PIGO: variants seen among roughly 807,000 people sequenced by gnomAD.
PIGO encodes the protein GPI ethanolamine phosphate transferase 3, catalytic subunit.
A neutral mutation model predicts 86.9 loss-of-function variants in PIGO; 66 were observed. That is an observed-to-expected ratio of 0.76 (90% CI 0.62 to 0.93). PIGO has a LOEUF of 0.93. PIGO is among the 40% of genes least tolerant of loss of function. PIGO has a pLI of 0.00. For missense variants in PIGO, 1,202 were observed against 1,359.1 expected, an observed-to-expected ratio of 0.88 and a Z score of 1.82; for synonymous variants, 570 against 556.4, an observed-to-expected ratio of 1.02 and a Z score of -0.34.
In PIGO at chr9:35,093,026, C is replaced by A; in HGVS notation, c.1119+4G>T. 6.2e-7 allele frequency: 1 copy of A among 1,601,266 alleles called. No individual in the cohort carries two copies. Among genetic ancestry groups the A allele is most frequent in the South Asian group, 1.1e-5 (1 of 90,630 alleles). On this transcript the variant is annotated splice_donor_region_variant and intron_variant, in intron 6 of 10. Coordinates refer to ENST00000378617, the MANE Select transcript of PIGO (RefSeq NM_032634.4). Reference sequence around the variant, plus strand: ...TCACCTGGAAACCCAGCCCGCTTACCTACCTGCTGAGCATTGAGATGGAGA... The same window carrying A: ...TCACCTGGAAACCCAGCCCGCTTACATACCTGCTGAGCATTGAGATGGAGA...
chr9:35,090,373 C>A (rs918198062), intron 8 of PIGO, 93 bp from the exon 9 acceptor site: 14 of 1,552,968 alleles, frequency 9.0e-6, no homozygotes, highest in African/African-American at 1.4e-5. Context: ...AAAGATCCAA[C>A]AAACCCATAT....
rs1381316015 is a variant in PIGO at position 35,095,199 on chromosome 9, A to T, written c.367T>A (p.Ser123Thr). The T allele has an allele frequency of 1.9e-6, 3 of 1,613,998 alleles. No homozygotes were observed. In the African/African-American group the frequency reaches 4.0e-5, roughly 22 times the overall value. ...GTGGTGGTAGGAGGGTCAACCTGAG[A>T]TCGGTAGAGCCGGGCATGGTGGGGC... is the stretch of plus-strand genomic sequence containing the variant. ...IQPHHARLYR[S>T]QVDPPTTTMQ... The change falls in exon 2 of 11, where the codon TCT becomes ACT. Residue 123 changes from serine to threonine, a missense_variant. Transcript: ENST00000378617.
intron 9 of PIGO, 85 bp downstream of exon 9, chr9:35,089,977 GCTCT>G (rs1829337329): frequency 1.9e-5 from 29 of 1,512,098 alleles, no homozygotes; most frequent in African/African-American, 1.8e-4. Context: ...CTCAGTCAAG[GCTCT>G]CTCCCACGGT....
rs12006467 is a variant in PIGO at position 35,090,723 on chromosome 9, T to C, written c.2648-51A>G. 14,441 of 1,556,634 alleles carry C rather than the reference T, an allele frequency of 9.3e-3. 465 individuals are homozygous for C. The highest frequency in any genetic ancestry group is 0.077 in the African/African-American group (5,676 of 73,758). On this transcript the variant is annotated intron_variant, in intron 7 of 10. Transcript: ENST00000378617. ...CAGTCACTTCTTATTCCCTAATCCATAGGCTACTGCTCCACAATCATATAC... is the reference window on the plus strand; with the variant it reads ...CAGTCACTTCTTATTCCCTAATCCACAGGCTACTGCTCCACAATCATATAC...
rs780598733 is a variant in PIGO at position 35,090,656 on chromosome 9, T to G, written c.2664A>C (p.Pro888=). The G allele has an allele frequency of 1.9e-6, 3 of 1,613,906 alleles. No individual in the cohort carries two copies. Among genetic ancestry groups the G allele is most frequent in the Non-Finnish European group, 2.5e-6 (3 of 1,179,982 alleles). ...PVTTPGPFTV[P]WQAVSAWALM... ...GGGCCCAAGCCGAGACTGCCTGCCA[T>G]GGCACAGTAAAAGGACCTGGAAGAA... The change falls in exon 8 of 11, where the codon CCA becomes CCC. Residue 888 remains proline, a synonymous_variant. Transcript: ENST00000378617.
Position 35,091,331 on chromosome 9 carries a change from C to T in PIGO, c.2556G>A (p.Ala852=), listed in dbSNP as rs1237736509. The change falls in exon 7 of 11, where the codon GCG becomes GCA. Residue 852 remains alanine (A), a synonymous_variant. Coordinates refer to ENST00000378617, the MANE Select transcript of PIGO (RefSeq NM_032634.4). ...GCAGGAACACAAGGCTGATGCGCTC[C>T]GCATGCAACAGCAGAAGTGGGAAGG... is the stretch of plus-strand genomic sequence containing the variant. The part of the protein sequence containing the change: ...LLAFPLLLLH[A]ERISLVFLLL... 4.3e-6 allele frequency: 7 copies of T among 1,614,174 alleles called. No individual in the cohort carries two copies. The highest frequency in any genetic ancestry group is 5.9e-6 in the Non-Finnish European group (7 of 1,180,022).
At chr9:35,090,703 ACTT>A (rs2131072249) in intron 7 of PIGO, 31 bp from the exon 8 acceptor site, 1 of 1,603,008 alleles carries the variant, frequency 6.2e-7, no homozygotes. Context: ...CGTTACAGTC[ACTT>A]CTTATTCCCT....
rs765304857 is a variant in PIGO, at chr9:35,095,404, G to T, written c.162C>A (p.Ser54Arg). The change falls in exon 2 of 11, where the codon AGC becomes AGA. Residue 54 changes from serine to arginine, a missense_variant. Transcript: ENST00000378617. ...PPGPGSLPWG[S>R]QGKPGACWMA... The stretch of plus-strand genomic sequence containing the variant: ...TCCAGCAGGCCCCAGGTTTCCCTTG[G>T]CTCCCCCATGGCAGGGACCCAGGGC... The T allele has an allele frequency of 5.6e-6, 9 of 1,613,988 alleles. No individual in the cohort carries two copies. The highest frequency in any genetic ancestry group is 1.7e-5 in the Admixed American group (1 of 59,994).
At chr9:35,094,387 G>A (rs1192844420) in intron 2 of PIGO, 28 bp from the exon 3 acceptor site, 3 of 1,589,206 alleles carry the variant, frequency 1.9e-6, no homozygotes, top group Middle Eastern at 3.3e-4. Context: ...AGAAGTCAGA[G>A]CCTGAGCAAA....
chr9:35,094,989 CCCTGA>C, intron 2 of PIGO, 61 bp downstream of exon 2: 1 of 1,530,608 alleles, frequency 6.5e-7, no homozygotes, highest in Non-Finnish European at 8.8e-7. Flanking sequence ...AGGTCTGACT[CCCTGA>C]CTTCAAATTT....
Position 35,091,531 on chromosome 9 carries a change from G to C in PIGO, c.2356C>G (p.Pro786Ala), listed in dbSNP as rs1387881096. 2 of 1,614,178 alleles carry C rather than the reference G, an allele frequency of 1.2e-6. No individual in the cohort carries two copies. Among genetic ancestry groups the C allele is most frequent in the Non-Finnish European group, 1.7e-6 (2 of 1,180,028 alleles). Reference sequence around the variant, plus strand: ...TCCAAGTCAGCTTGAGAAGTGGGGGGGCCTGAGAAGGGAGTGAGGACAGTC... The same window carrying C: ...TCCAAGTCAGCTTGAGAAGTGGGGGCGCCTGAGAAGGGAGTGAGGACAGTC... ...TRTVLTPFSG[P>A]PTSQADLDYV... Residue 786 changes from proline to alanine, a missense_variant, in exon 7 of 11, where the codon CCC (proline) becomes GCC (alanine). Pro to Ala is a conservative substitution (Grantham distance 27, BLOSUM62 -1). Transcript: ENST00000378617.
chr9:35,093,569 T>C lies in PIGO; in HGVS notation c.791A>G (p.Glu264Gly). The C allele has an allele frequency of 6.2e-7, 1 of 1,608,730 alleles. No individual in the cohort carries two copies. Among genetic ancestry groups the C allele is most frequent in the South Asian group, 1.1e-5 (1 of 90,360 alleles). The change falls in exon 5 of 11, where the codon GAG becomes GGG. Residue 264 changes from glutamate to glycine, a missense_variant. Physicochemically the swap from Glu to Gly is moderately conservative, Grantham distance 98. Transcript: ENST00000378617. ...QMDQVIQGLV[E>G]RLENDTLLVV... ...CAGCAGTGTGTCATTCTCCAGACGC[T>C]CCACAAGTCCCCTGGGGGCCAATAA...
Position 35,093,427 on chromosome 9 carries a change from TG to T in PIGO, c.932del (p.Pro311HisfsTer7). ...GGAACATCCCAGGCCTCACCTCTGG[TG>T]GGGTGCTGGGGAAGACTGCTGTGGG... ...YSPTAVFPST[P>X]PEEPEVIPQV... On this transcript the variant is annotated frameshift_variant, in exon 5 of 11. Coordinates refer to ENST00000378617, the MANE Select transcript of PIGO (RefSeq NM_032634.4). LOFTEE classifies it high-confidence loss of function. 2 of 1,614,024 alleles carry T rather than the reference TG, an allele frequency of 1.2e-6. No individual in the cohort carries two copies. Among genetic ancestry groups the T allele is most frequent in the East Asian group, 4.5e-5 (2 of 44,866 alleles).
At chr9:35,090,383 T>C in intron 8 of PIGO, 83 bp downstream of exon 8, 1 of 1,549,642 alleles carries the variant, frequency 6.5e-7, no homozygotes, top group Non-Finnish European at 8.8e-7. Flanking sequence ...CAAACCCATA[T>C]CTCTCCATTC....
rs745999972 is a variant in PIGO at position 35,093,125 on chromosome 9, C to T, written c.1024G>A (p.Glu342Lys). 10 of 1,614,118 alleles carry T rather than the reference C, an allele frequency of 6.2e-6. No homozygotes were observed. Among genetic ancestry groups the T allele is most frequent in the Non-Finnish European group, 7.6e-6 (9 of 1,180,040 alleles). Residue 342 changes from glutamate to lysine, a missense_variant, in exon 6 of 11, where the codon GAA (glutamate) becomes AAA (lysine). Physicochemically the swap from Glu to Lys is moderately conservative, Grantham distance 56. Coordinates refer to ENST00000378617, the MANE Select transcript of PIGO (RefSeq NM_032634.4). ...GLPIPFGNIG[E>K]VMAELFSGGE... ...CCTGAGAATAGCTCAGCCATCACTT[C>T]CCCGATATTCCCAAATGGGATGGGC...
Position 35,093,042 on chromosome 9 carries a change from G to T in PIGO, c.1107C>A (p.Leu369=). ...CCCGCTTACCTACCTGCTGAGCATT[G>T]AGATGGAGAGCTGAGGCTTGGGCTA... ...SALAQASALH[L]NAQQVSRFLH... is the part of the protein sequence containing the mutation. Residue 369 remains leucine, a synonymous_variant, in exon 6 of 11, where the codon CTC becomes CTA. Coordinates refer to ENST00000378617, the MANE Select transcript of PIGO (RefSeq NM_032634.4). 1 of 1,608,684 alleles carries T rather than the reference G, an allele frequency of 6.2e-7. No homozygotes were observed. Among genetic ancestry groups the T allele is most frequent in the South Asian group, 1.1e-5 (1 of 90,970 alleles).
intron 1 of PIGO, 149 bp from the exon 2 acceptor site, chr9:35,095,715 C>T (rs996062528): frequency 9.4e-7 from 1 of 1,058,780 alleles, no homozygotes; most frequent in African/African-American, 1.6e-5. Flanking sequence ...CGCAATATTA[C>T]TCTCCTCCTA....
Position 35,090,686 on chromosome 9 carries a change from T to TA in PIGO, c.2648-15dup, listed in dbSNP as rs1829379002. ...CAGTAAAAGGACCTGGAAGAAAAGA[T>TA]ATGCCACGTTACAGTCACTTCTTAT... On this transcript the variant is annotated splice_polypyrimidine_tract_variant and intron_variant, in intron 7 of 10. Coordinates refer to ENST00000378617, the MANE Select transcript of PIGO (RefSeq NM_032634.4). 6.2e-7 allele frequency: 1 copy of TA among 1,612,130 alleles called. No homozygotes were observed. The highest frequency in any genetic ancestry group is 1.3e-5 in the African/African-American group (1 of 74,906).
intron 7 of PIGO, chr9:35,090,982 A>T: frequency 1.7e-6 from 1 of 574,504 alleles, no homozygotes; most frequent in Non-Finnish European, 3.0e-6. Context: ...TGTGCTCATG[A>T]GGATGCAGCA....
Sources: allele counts gnomAD v4.1 joint callset, GRCh38; gene constraint gnomAD v4.1.1; transcripts MANE v1.5; gene names NCBI Gene and HGNC (gene_info 2026-07-23, HGNC 2026-07-21).